The following STIP1 variants were observed in gnomAD, a reference collection of about 807,000 sequenced individuals.
STIP1 encodes stress-induced-phosphoprotein 1.
STIP1 carries 16 observed loss-of-function variants against 77.4 expected under a neutral mutation model. The ratio of observed to expected loss-of-function variants is 0.21; its 90% CI spans 0.14 to 0.31. STIP1 has a LOEUF of 0.31. STIP1 is among the 10% of genes least tolerant of loss of function. The probability of loss-of-function intolerance (pLI) is 1.00; values close to 1 mark genes in which losing one functional copy is unlikely to be tolerated. For synonymous variants in STIP1, 258 were observed against 246.6 expected (o/e 1.05, Z -0.44); for missense variants, 524 against 684.8 (o/e 0.77, Z 2.62).
In STIP1 at chr11:64,194,437, T is replaced by C. The variant is rs75248663; in HGVS notation, c.362-42T>C. 2,507 of 1,612,756 alleles carry C rather than the reference T, an allele frequency of 1.6e-3. 26 individuals carry two copies. The African/African-American group carries it at 0.029, about 19-fold the overall frequency. On this transcript the variant is annotated intron_variant, in intron 3 of 13. Transcript: ENST00000305218. ...AGGGTATGGGACACAGTAATTCTAG[T>C]GAACTCATTTCATAGTGATGTGCTT...
chr11:64,203,715 C>T (rs754222933), intron 13 of STIP1, 93 bp downstream of exon 13: 31 of 1,495,696 alleles, frequency 2.1e-5, no homozygotes, highest in South Asian at 1.5e-4. Context: ...GCTCAGTCTG[C>T]GAGGAAGAGG....
rs1215175197 is a variant in STIP1, at chr11:64,197,674, G to A, written c.902+79G>A. The A allele has an allele frequency of 1.9e-6, 3 of 1,575,442 alleles. No homozygotes were observed. In the African/African-American group the frequency reaches 4.1e-5, roughly 21 times the overall value. ...GACTTAAGTTTCTCTGCATGGGGAGGAGGGCTGCTGGCCATAGAATCTGCT... is the reference window on the plus strand; with the variant it reads ...GACTTAAGTTTCTCTGCATGGGGAGAAGGGCTGCTGGCCATAGAATCTGCT... On this transcript the variant is annotated intron_variant, in intron 7 of 13. Coordinates refer to ENST00000305218, the MANE Select transcript of STIP1 (RefSeq NM_006819.3).
intron 1 of STIP1, among the ~76,000 whole-genome samples, chr11:64,190,029 C>G (rs1946074801): frequency 1.3e-5 from 2 of 148,734 alleles, no homozygotes; most frequent in South Asian, 4.2e-4. Context: ...CAAATAGAGT[C>G]TCACTCTGTC....
intron 2 of STIP1, among the ~76,000 whole-genome samples, chr11:64,193,710 C>T (rs991463918): frequency 1.3e-5 from 2 of 152,128 alleles, no homozygotes; most frequent in Admixed American, 1.3e-4. Context: ...TCACCTGAGC[C>T]TGGCAAGCGG....
intron 10 of STIP1, among the ~76,000 whole-genome samples, chr11:64,201,130 C>A (rs1448221536): frequency 2.0e-5 from 3 of 151,986 alleles, no homozygotes; most frequent in Non-Finnish European, 4.4e-5. Context: ...ACCTCTACTT[C>A]CCTGGCTTAA....
intron 1 of STIP1, among the ~76,000 whole-genome samples, chr11:64,188,422 C>T (rs1326186079): frequency 6.6e-6 from 1 of 151,874 alleles, no homozygotes; most frequent in Admixed American, 6.6e-5. Flanking sequence ...GGGTCTGGTT[C>T]TGTGGCCCAG....
chr11:64,202,512 T>G (rs1946230229), intron 10 of STIP1: 2 of 208,758 alleles, frequency 9.6e-6, no homozygotes, highest in Non-Finnish European at 1.9e-5. Flanking sequence ...CCTTCCAGAG[T>G]GCTGGGATTA....
Position 64,197,380 on chromosome 11 carries a change from A to G in STIP1, c.782A>G (p.Tyr261Cys). The G allele has an allele frequency of 3.1e-6, 5 of 1,614,072 alleles. No homozygotes were observed. In the South Asian group the frequency reaches 5.5e-5, roughly 18 times the overall value. ...GAGCTGGACCCCACTAACATGACTT[A>G]CATTACCAATCAAGCAGGTGAGGCC... ...AKELDPTNMTYITNQAAVYFE... is the reference protein window; with the variant it reads ...AKELDPTNMTCITNQAAVYFE... Residue 261 changes from tyrosine (Y) to cysteine (C), a missense_variant, in exon 6 of 14, where the codon TAC becomes TGC. Transcript: ENST00000305218.
At chr11:64,197,123 C>T (rs542611067) in intron 5 of STIP1, 148 bp from the exon 6 acceptor site, 2 of 1,001,032 alleles carry the variant, frequency 2.0e-6, no homozygotes, top group East Asian at 2.6e-5. Flanking sequence ...ACTTTATTGT[C>T]TATAGCTGAC....
intron 13 of STIP1, 87 bp from the exon 14 acceptor site, chr11:64,203,967 T>C (rs1946252387): frequency 6.7e-7 from 1 of 1,493,128 alleles, no homozygotes; most frequent in South Asian, 1.1e-5. Context: ...GGGCCTTCTG[T>C]AGAGGGGGTT....
At chr11:64,198,060 G>T in intron 8 of STIP1, 86 bp downstream of exon 8, 4 of 1,380,890 alleles carry the variant, frequency 2.9e-6, no homozygotes, top group Admixed American at 2.7e-5. Flanking sequence ...TAATGAACTT[G>T]ACTTTTTTTT....
Position 64,197,199 on chromosome 11 carries a change from TGACAGATCA to T in STIP1, c.673-71_673-63del, listed in dbSNP as rs1946160333. The stretch of plus-strand genomic sequence containing the variant: ...CATGTTAGTTGCATTTCAGAACTTG[TGACAGATCA>T]TAGATTCTTGCTTTGTCACCTGAGT... On this transcript the variant is annotated intron_variant, in intron 5 of 13. Transcript: ENST00000305218. 3 of 1,593,726 alleles carry T rather than the reference TGACAGATCA, an allele frequency of 1.9e-6. No individual in the cohort carries two copies. In the Admixed American group the frequency reaches 5.3e-5, roughly 28 times the overall value.
intron 2 of STIP1, 48 bp from the exon 3 acceptor site, chr11:64,194,141 T>C (rs749634034): frequency 2.9e-5 from 45 of 1,575,538 alleles, no homozygotes; most frequent in Non-Finnish European, 3.9e-5. Flanking sequence ...GTCTTCTAGA[T>C]TTACCTCTGG....
At chr11:64,191,109 C>T (rs1426587728) in intron 1 of STIP1, among the ~76,000 whole-genome samples, 2 of 150,968 alleles carry the variant, frequency 1.3e-5, no homozygotes, top group African/African-American at 2.4e-5. Flanking sequence ...ATCGCTTGAA[C>T]CTGGGAGGCA....
chr11:64,203,510 G>A lies in STIP1; in HGVS notation c.1447G>A (p.Glu483Lys), dbSNP rs766322597. Reference sequence around the variant, plus strand: ...GCAGTACAACCGGCACGACAGCCCCGAAGATGTGAAGCGACGAGCCATGGC... The same window carrying A: ...GCAGTACAACCGGCACGACAGCCCCAAAGATGTGAAGCGACGAGCCATGGC... ...MAQYNRHDSP[E>K]DVKRRAMADP... The change falls in exon 13 of 14, where the codon GAA (glutamate) becomes AAA (lysine). Residue 483 changes from glutamate to lysine, a missense_variant. Physicochemically the swap from Glu to Lys is moderately conservative, Grantham distance 56. Coordinates refer to ENST00000305218, the MANE Select transcript of STIP1 (RefSeq NM_006819.3). 3.7e-6 allele frequency: 6 copies of A among 1,614,092 alleles called. No individual in the cohort carries two copies. The highest frequency in any genetic ancestry group is 1.3e-5 in the African/African-American group (1 of 75,056).
At chr11:64,203,064 A>G (rs980430711) in intron 11 of STIP1, 61 bp from the exon 12 acceptor site, 196 of 1,601,554 alleles carry the variant, frequency 1.2e-4, no homozygotes, top group Non-Finnish European at 1.4e-4. Context: ...GCAGGTGAAG[A>G]GGTGCAAGGA....
rs773102470 is a variant in STIP1 at position 64,203,509 on chromosome 11, C to G, written c.1446C>G (p.Pro482=). The G allele has an allele frequency of 3.2e-5, 51 of 1,613,864 alleles. 2 individuals are homozygous for G. In the South Asian group the frequency reaches 4.4e-4, roughly 14 times the overall value. The change falls in exon 13 of 14, where the codon CCC becomes CCG. Residue 482 remains proline (P), a synonymous_variant. Coordinates refer to ENST00000305218, the MANE Select transcript of STIP1 (RefSeq NM_006819.3). ...CGCAGTACAACCGGCACGACAGCCC[C>G]GAAGATGTGAAGCGACGAGCCATGG... is the stretch of plus-strand genomic sequence containing the variant. The part of the protein sequence containing the change: ...MMAQYNRHDS[P]EDVKRRAMAD...
intron 13 of STIP1, 196 bp downstream of exon 13, chr11:64,203,818 G>A (rs1591017375): frequency 1.3e-6 from 1 of 795,146 alleles, no homozygotes; most frequent in East Asian, 2.7e-5. Flanking sequence ...CAGTCATTTG[G>A]AAAGGCCCAT....
intron 1 of STIP1, among the ~76,000 whole-genome samples, chr11:64,188,945 A>G (rs1265155511): frequency 3.3e-5 from 5 of 152,204 alleles, no homozygotes; most frequent in Non-Finnish European, 7.3e-5. Flanking sequence ...GGCCGGGTGC[A>G]GTGGCTCACA....
Sources: allele counts gnomAD v4.1 joint callset (sites outside exome capture counted in the v4.1 genomes callset), GRCh38; gene constraint gnomAD v4.1.1; transcripts MANE v1.5; gene names NCBI Gene and HGNC (gene_info 2026-07-23, HGNC 2026-07-21).